The following GRB14 variants were observed in gnomAD, a reference collection of about 807,000 sequenced individuals.
GRB14 encodes the protein growth factor receptor-bound protein 14.
In GRB14, 38 loss-of-function variants were observed where a neutral mutation model predicts 69.1. The ratio of observed to expected loss-of-function variants is 0.55; its 90% confidence interval spans 0.42 to 0.72. The LOEUF (loss-of-function observed/expected upper bound fraction) is 0.72. Among genes scored for constraint, GRB14 ranks in the 30% least tolerant of loss-of-function variants. The probability of loss-of-function intolerance (pLI) is 0.00; values close to 1 mark genes in which losing one functional copy is unlikely to be tolerated. For missense variants in GRB14, 666 were observed against 666.1 expected, an observed-to-expected ratio of 1.00 and a Z score of 0.00; for synonymous variants, 247 against 241.3, an observed-to-expected ratio of 1.02 and a Z score of -0.22.
rs1012136561 is a variant in GRB14 at position 164,586,132 on chromosome 2, C to A, written c.324+33555G>T. Among the ~76,000 whole-genome samples, 3 of 151,960 alleles carry A rather than the reference C, an allele frequency of 2.0e-5. No homozygotes were observed. In the South Asian group the frequency reaches 6.2e-4, roughly 32 times the overall value. Reference sequence around the variant, plus strand: ...TAAAGGAAGAGGTCATGAAGTTGAACCTTAAAAGAGAAGAATGTCCCGGTA... The same window carrying A: ...TAAAGGAAGAGGTCATGAAGTTGAAACTTAAAAGAGAAGAATGTCCCGGTA... On this transcript the variant is annotated intron_variant, in intron 2 of 13. Transcript: ENST00000263915.
At chr2:164,558,562 T>C (rs1172976797) in intron 2 of GRB14, among the ~76,000 whole-genome samples, 1 of 152,192 alleles carries the variant, frequency 6.6e-6, no homozygotes, top group Admixed American at 6.6e-5. Context: ...TTTTTAATAC[T>C]CATGCAATTC....
At chr2:164,574,821 G>A (rs943555482) in intron 2 of GRB14, among the ~76,000 whole-genome samples, 1 of 151,746 alleles carries the variant, frequency 6.6e-6, no homozygotes, top group Admixed American at 6.6e-5. Flanking sequence ...GTGAGCACCT[G>A]TAGTTCCATC....
chr2:164,566,731 A>G (rs1688984913), intron 2 of GRB14, among the ~76,000 whole-genome samples: 1 of 152,110 alleles, frequency 6.6e-6, no homozygotes, highest in Non-Finnish European at 1.5e-5. Context: ...ATTCTAAAAT[A>G]ATAAAAATAA....
chr2:164,534,063 C>T (rs905582065), intron 3 of GRB14, among the ~76,000 whole-genome samples: 1 of 151,988 alleles, frequency 6.6e-6, no homozygotes, highest in Non-Finnish European at 1.5e-5. Flanking sequence ...TGTGAGAAAG[C>T]CAAAGACATA....
chr2:164,606,860 C>T (rs1216924006), intron 2 of GRB14, among the ~76,000 whole-genome samples: 6 of 152,172 alleles, frequency 3.9e-5, no homozygotes, highest in Admixed American at 3.9e-4. Context: ...GTTTCACACG[C>T]ATATGTCACC....
intron 2 of GRB14, among the ~76,000 whole-genome samples, chr2:164,559,557 C>A (rs1003179443): frequency 2.6e-5 from 4 of 152,040 alleles, no homozygotes; most frequent in Non-Finnish European, 4.4e-5. Flanking sequence ...TTTTTATTCC[C>A]GAGTCACTTC....
intron 2 of GRB14, among the ~76,000 whole-genome samples, chr2:164,587,893 A>G (rs1689574781): frequency 6.6e-6 from 1 of 152,220 alleles, no homozygotes; most frequent in South Asian, 2.1e-4. Flanking sequence ...ACTGTGGTCC[A>G]CATTAAAAGG....
chr2:164,546,063 A>G (rs1688365519), intron 3 of GRB14, among the ~76,000 whole-genome samples: 1 of 152,224 alleles, frequency 6.6e-6, no homozygotes, highest in African/African-American at 2.4e-5. Context: ...TTGACTCAAA[A>G]TGTGGTCCAA....
intron 2 of GRB14, among the ~76,000 whole-genome samples, chr2:164,586,536 A>T (rs1457249312): frequency 1.3e-5 from 2 of 152,160 alleles, no homozygotes; most frequent in Non-Finnish European, 2.9e-5. Context: ...ATTTAACATT[A>T]TGTGTCCCCT....
rs1689607103 is a variant in GRB14 at position 164,589,365 on chromosome 2, T to C, written c.324+30322A>G. On this transcript the variant is annotated intron_variant, in intron 2 of 13. Coordinates refer to ENST00000263915, the MANE Select transcript of GRB14 (RefSeq NM_004490.3). ...CCTATATCCTTTGTCTTAGTCCATA[T>C]ATGTTGTTACAAAGGAATACCCAAG... Among the ~76,000 whole-genome samples, 3 of 152,258 alleles carry C rather than the reference T, an allele frequency of 2.0e-5. No homozygotes were observed. The East Asian group carries it at 5.8e-4, about 29-fold the overall frequency.
chr2:164,602,272 T>G (rs1689935169), intron 2 of GRB14, among the ~76,000 whole-genome samples: 1 of 152,116 alleles, frequency 6.6e-6, no homozygotes, highest in African/African-American at 2.4e-5. Flanking sequence ...TTTAATCAAG[T>G]AATACAGTCT....
intron 8 of GRB14, among the ~76,000 whole-genome samples, chr2:164,507,851 G>A (rs1051795018): frequency 6.6e-6 from 1 of 152,088 alleles, no homozygotes; most frequent in Non-Finnish European, 1.5e-5. Context: ...CATCAGTTCT[G>A]CTTTTATTTC....
intron 3 of GRB14, among the ~76,000 whole-genome samples, chr2:164,545,549 G>A (rs998181451): frequency 6.6e-5 from 10 of 152,286 alleles, no homozygotes; most frequent in African/African-American, 2.2e-4. Flanking sequence ...AGAGCTTCCA[G>A]AGGACACACA....
intron 2 of GRB14, among the ~76,000 whole-genome samples, chr2:164,594,271 C>T (rs574372312): frequency 6.6e-6 from 1 of 152,264 alleles, no homozygotes; most frequent in East Asian, 1.9e-4. Flanking sequence ...TGCAGGAAGA[C>T]AAAAGAGGCT....
intron 2 of GRB14, among the ~76,000 whole-genome samples, chr2:164,581,176 G>T (rs1689395128): frequency 6.6e-6 from 1 of 151,702 alleles, no homozygotes; most frequent in African/African-American, 2.4e-5. Flanking sequence ...TTTCCTTTAG[G>T]GCCTGCCCTT....
intron 2 of GRB14, among the ~76,000 whole-genome samples, chr2:164,552,320 G>A (rs1025500934): frequency 1.3e-5 from 2 of 152,132 alleles, no homozygotes; most frequent in South Asian, 2.1e-4. Context: ...CTACCCCAGG[G>A]TGATACATGA....
intron 2 of GRB14, among the ~76,000 whole-genome samples, chr2:164,585,602 T>G (rs1038332316): frequency 6.6e-6 from 1 of 152,178 alleles, no homozygotes; most frequent in African/African-American, 2.4e-5. Flanking sequence ...ATGATAACTA[T>G]ATGATGGGAT....
chr2:164,590,812 T>C (rs1689644099), intron 2 of GRB14, among the ~76,000 whole-genome samples: 2 of 152,220 alleles, frequency 1.3e-5, no homozygotes, highest in South Asian at 4.1e-4. Flanking sequence ...AAATATTAAC[T>C]CCATTATTTT....
intron 2 of GRB14, among the ~76,000 whole-genome samples, chr2:164,562,314 G>GTA (rs1688850221): frequency 6.6e-6 from 1 of 152,102 alleles, no homozygotes; most frequent in African/African-American, 2.4e-5. Context: ...CACCTATCTT[G>GTA]TATTTAAATC....
Sources: allele counts gnomAD v4.1 joint callset (sites outside exome capture counted in the v4.1 genomes callset), GRCh38; gene constraint gnomAD v4.1.1; transcripts MANE v1.5; gene names NCBI Gene and HGNC (gene_info 2026-07-23, HGNC 2026-07-21).